AGBL4: variants seen among roughly 807,000 people sequenced by gnomAD.
The protein encoded by AGBL4 is AGBL carboxypeptidase 4.
Under a neutral mutation model 66.4 loss-of-function variants are expected in AGBL4, and 58 were observed. The ratio of observed to expected loss-of-function variants is 0.87; its 90% CI spans 0.71 to 1.09. The LOEUF is 1.09. Ranked by LOEUF, AGBL4 falls within the 50% of genes least tolerant of loss-of-function variation. The pLI is 0.00. For missense variants in AGBL4, 579 were observed against 631.0 expected, an observed-to-expected ratio of 0.92 and a Z score of 0.88; for synonymous variants, 234 against 222.9, an observed-to-expected ratio of 1.05 and a Z score of -0.44.
chr1:49,694,500 A>T (rs1030517493), intron 3 of AGBL4, among the ~76,000 whole-genome samples: 2 of 152,162 alleles, frequency 1.3e-5, no homozygotes, highest in East Asian at 3.9e-4. Flanking sequence ...CATGTTCATG[A>T]TTTCTAATTG....
At chr1:49,942,779 T>C (rs1351037747) in intron 1 of AGBL4, among the ~76,000 whole-genome samples, 1 of 152,138 alleles carries the variant, frequency 6.6e-6, no homozygotes, top group Non-Finnish European at 1.5e-5. Flanking sequence ...AATGAATTTT[T>C]GTACATGGTA....
chr1:48,693,587 C>T (rs1436312734), intron 6 of AGBL4, among the ~76,000 whole-genome samples: 2 of 152,222 alleles, frequency 1.3e-5, no homozygotes, highest in Non-Finnish European at 2.9e-5. Flanking sequence ...CTCTCCTGAA[C>T]TCATCCCTGT....
intron 4 of AGBL4, among the ~76,000 whole-genome samples, chr1:49,167,908 C>G (rs1646662934): frequency 6.6e-6 from 1 of 152,110 alleles, no homozygotes; most frequent in Middle Eastern, 3.4e-3. Flanking sequence ...ATTAAAAATA[C>G]TATTTTAAAA....
At chr1:49,930,902 C>T (rs963311980) in intron 1 of AGBL4, among the ~76,000 whole-genome samples, 2 of 152,028 alleles carry the variant, frequency 1.3e-5, no homozygotes, top group African/African-American at 4.8e-5. Context: ...GAAATTTGAG[C>T]CAGGTAAATG....
chr1:49,151,458 C>T (rs1249823887), intron 4 of AGBL4, among the ~76,000 whole-genome samples: 1 of 151,380 alleles, frequency 6.6e-6, no homozygotes, highest in Non-Finnish European at 1.5e-5. Flanking sequence ...GTGAGCTATG[C>T]CTCTCTCAAA....
intron 1 of AGBL4, among the ~76,000 whole-genome samples, chr1:50,010,071 G>A (rs1288046568): frequency 6.6e-6 from 1 of 152,160 alleles, no homozygotes; most frequent in Non-Finnish European, 1.5e-5. Flanking sequence ...ACTTTGGGAG[G>A]TGGAGGTGGG....
At chr1:49,927,271 G>GT (rs1447545452) in intron 1 of AGBL4, among the ~76,000 whole-genome samples, 1 of 152,152 alleles carries the variant, frequency 6.6e-6, no homozygotes. Context: ...ATCACAGGCT[G>GT]TATTAGTCCA....
intron 3 of AGBL4, among the ~76,000 whole-genome samples, chr1:49,615,002 T>C (rs1267748723): frequency 2.6e-5 from 4 of 152,108 alleles, no homozygotes; most frequent in African/African-American, 9.7e-5. Context: ...TCCCTTGTTT[T>C]TTATATAAGA....
chr1:49,672,737 A>G (rs987696515), intron 3 of AGBL4, among the ~76,000 whole-genome samples: 3 of 151,872 alleles, frequency 2.0e-5, no homozygotes, highest in East Asian at 1.9e-4. Flanking sequence ...CCCGGCCAAC[A>G]TAGTGAAACC....
At chr1:49,566,326 T>C (rs1220944419) in intron 3 of AGBL4, among the ~76,000 whole-genome samples, 1 of 152,240 alleles carries the variant, frequency 6.6e-6, no homozygotes, top group Non-Finnish European at 1.5e-5. Context: ...CGTCCAGCTT[T>C]GTTCCGTTGC....
At chr1:49,828,136 A>G (rs1032031961) in intron 2 of AGBL4, among the ~76,000 whole-genome samples, 2 of 152,174 alleles carry the variant, frequency 1.3e-5, no homozygotes, top group Admixed American at 6.5e-5. Flanking sequence ...AAAAAAAAAA[A>G]CAACTCATTA....
the AGBL4 span, among the ~76,000 whole-genome samples, chr1:48,526,981 C>T: frequency 1.3e-5 from 2 of 152,200 alleles, no homozygotes; most frequent in East Asian, 1.9e-4. Context: ...TACTATGCTG[C>T]CTTTAATGCT....
chr1:48,960,647 C>A (rs180741229), intron 5 of AGBL4, among the ~76,000 whole-genome samples: 19 of 152,188 alleles, frequency 1.2e-4, no homozygotes, highest in Admixed American at 8.5e-4. Flanking sequence ...AAAAAGAGTG[C>A]AATTTGAAAG....
intron 3 of AGBL4, among the ~76,000 whole-genome samples, chr1:49,247,063 G>C (rs543484244): frequency 2.0e-5 from 3 of 152,106 alleles, no homozygotes; most frequent in African/African-American, 7.2e-5. Context: ...CTTGATTGAA[G>C]TCATACTAGT....
intron 3 of AGBL4, among the ~76,000 whole-genome samples, chr1:49,280,112 C>T (rs1425017945): frequency 6.6e-6 from 1 of 152,094 alleles, no homozygotes; most frequent in Non-Finnish European, 1.5e-5. Flanking sequence ...CTTGGACCTG[C>T]CAGCTACTAC....
At chr1:48,699,626 A>C (rs1646769900) in intron 6 of AGBL4, among the ~76,000 whole-genome samples, 1 of 152,218 alleles carries the variant, frequency 6.6e-6, no homozygotes, top group Non-Finnish European at 1.5e-5. Context: ...AGAATTTGTG[A>C]ATAAATTACC....
intron 6 of AGBL4, among the ~76,000 whole-genome samples, chr1:48,682,779 T>C (rs1646475061): frequency 6.6e-6 from 1 of 152,182 alleles, no homozygotes; most frequent in South Asian, 2.1e-4. Flanking sequence ...CCCTTCCCTG[T>C]TTAATCGTGT....
At chr1:49,597,139 C>T (rs1159064704) in intron 3 of AGBL4, among the ~76,000 whole-genome samples, 1 of 152,166 alleles carries the variant, frequency 6.6e-6, no homozygotes, top group African/African-American at 2.4e-5. Context: ...CAAGTAAACA[C>T]CAATCTCCAA....
intron 4 of AGBL4, among the ~76,000 whole-genome samples, chr1:49,061,669 T>C (rs763611449): frequency 2.0e-5 from 3 of 152,084 alleles, no homozygotes; most frequent in East Asian, 1.9e-4. Flanking sequence ...GGAACTGAGA[T>C]TGACACAGAA....
Sources: allele counts gnomAD v4.1 joint callset (sites outside exome capture counted in the v4.1 genomes callset), GRCh38; gene constraint gnomAD v4.1.1; transcripts MANE v1.5; gene names NCBI Gene and HGNC (gene_info 2026-07-23, HGNC 2026-07-21).